Variants in CCDC85A observed in about 807,000 individuals in gnomAD.
CCDC85A encodes the protein coiled-coil domain containing 85A, also known as coiled-coil domain-containing protein 85A.
A neutral mutation model predicts 50.2 loss-of-function variants in CCDC85A; 38 were observed. That is an observed-to-expected ratio of 0.76 (90% confidence interval 0.58 to 0.99). CCDC85A has a LOEUF of 0.99. CCDC85A is among the 50% of genes least tolerant of loss of function. CCDC85A has a pLI of 0.00. For missense variants in CCDC85A, 820 were observed against 742.0 expected, an observed-to-expected ratio of 1.11 and a Z score of -1.22; for synonymous variants, 366 against 301.4, an observed-to-expected ratio of 1.21 and a Z score of -2.22.
chr2:56,289,652 A>G (rs1671614105), intron 2 of CCDC85A, among the ~76,000 whole-genome samples: 1 of 152,128 alleles, frequency 6.6e-6, no homozygotes, highest in South Asian at 2.1e-4. Flanking sequence ...AGATCTTGAA[A>G]AGATCTCAGT....
intron 2 of CCDC85A, among the ~76,000 whole-genome samples, chr2:56,277,575 T>C (rs1208532620): frequency 6.6e-6 from 1 of 152,228 alleles, no homozygotes; most frequent in East Asian, 1.9e-4. Flanking sequence ...TGCTATGTGA[T>C]AATTGCTTCA....
chr2:56,383,217 A>G (rs1330447769), intron 5 of CCDC85A, among the ~76,000 whole-genome samples: 1 of 151,996 alleles, frequency 6.6e-6, no homozygotes, highest in Non-Finnish European at 1.5e-5. Context: ...TCCCTGTAGT[A>G]TCCACTTCTA....
At chr2:56,252,514 G>A (rs527620753) in intron 2 of CCDC85A, among the ~76,000 whole-genome samples, 3 of 152,172 alleles carry the variant, frequency 2.0e-5, no homozygotes, top group Admixed American at 6.5e-5. Context: ...AAGGAGAATT[G>A]CACTATGATC....
intron 2 of CCDC85A, among the ~76,000 whole-genome samples, chr2:56,247,971 A>G (rs77247673): frequency 0.035 from 5,295 of 152,312 alleles, 124 homozygotes; most frequent in South Asian, 0.13. Flanking sequence ...GCTCCAGTGT[A>G]CAATGGGGAG....
At chr2:56,358,145 A>G (rs1675330238) in intron 3 of CCDC85A, among the ~76,000 whole-genome samples, 2 of 152,186 alleles carry the variant, frequency 1.3e-5, no homozygotes, top group South Asian at 4.1e-4. Flanking sequence ...AAATGACACT[A>G]TCACCACTAC....
intron 2 of CCDC85A, among the ~76,000 whole-genome samples, chr2:56,240,346 C>A (rs1448234137): frequency 6.6e-6 from 1 of 152,122 alleles, no homozygotes; most frequent in Non-Finnish European, 1.5e-5. Flanking sequence ...TAATGGGAAA[C>A]CTCTAGAGGG....
rs1209847529 is a variant in CCDC85A at position 56,184,390 on chromosome 2, A to C, written c.-235A>C. The C allele has an allele frequency of 2.0e-6, 1 of 498,402 alleles. No homozygotes were observed. The highest frequency in any genetic ancestry group is 3.0e-6 in the Non-Finnish European group (1 of 337,668). The allele number at this position is 498,402 out of a possible 1,614,324, so 30.9% of individuals were successfully genotyped here. A position where few individuals can be genotyped will look rare whatever the true frequency, so the allele number is the denominator to read the frequency against. On this transcript the variant is annotated 5_prime_UTR_variant, in exon 1 of 6. Transcript: ENST00000407595. ...GCGCGGAGTTGGGACGGGCCTCGGC[A>C]GCAGCAAGCGGCTGGCTGCCGGGCC...
chr2:56,222,093 C>A (rs1668351284), intron 2 of CCDC85A, among the ~76,000 whole-genome samples: 1 of 152,082 alleles, frequency 6.6e-6, no homozygotes, highest in African/African-American at 2.4e-5. Flanking sequence ...AGCCCCATCT[C>A]TTTACACTGT....
At chr2:56,357,216 T>G (rs142406634) in intron 3 of CCDC85A, among the ~76,000 whole-genome samples, 2 of 152,304 alleles carry the variant, frequency 1.3e-5, no homozygotes, top group African/African-American at 4.8e-5. Flanking sequence ...TGAGCTGTTG[T>G]CACTTGAAGA....
chr2:56,187,273 C>T (rs1024341040), intron 1 of CCDC85A, among the ~76,000 whole-genome samples: 4 of 152,228 alleles, frequency 2.6e-5, no homozygotes, highest in African/African-American at 7.2e-5. Flanking sequence ...GGAATTAAGA[C>T]CATAATACAT....
intron 2 of CCDC85A, among the ~76,000 whole-genome samples, chr2:56,340,833 G>A (rs572215885): frequency 1.8e-4 from 24 of 135,592 alleles, no homozygotes; most frequent in African/African-American, 3.9e-4. Context: ...CCGAGATCGC[G>A]CCACTGCACT....
Position 56,193,448 on chromosome 2 carries a change from A to T in CCDC85A, c.1240+8A>T. ...TCTACAGTGGCATGAACGGTGGGTCAGTATGTGCTGGGGTGCTGCTTGGGC... is the reference window on the plus strand; with the variant it reads ...TCTACAGTGGCATGAACGGTGGGTCTGTATGTGCTGGGGTGCTGCTTGGGC... On this transcript the variant is annotated splice_region_variant and intron_variant, in intron 2 of 5. Transcript: ENST00000407595. 1 of 1,591,938 alleles carries T rather than the reference A, an allele frequency of 6.3e-7. No homozygotes were observed. The highest frequency in any genetic ancestry group is 1.2e-5 in the South Asian group (1 of 86,430).
chr2:56,304,938 AAAAAC>A (rs1290756866), intron 2 of CCDC85A, among the ~76,000 whole-genome samples: 3 of 139,594 alleles, frequency 2.1e-5, no homozygotes, highest in African/African-American at 3.0e-5. Context: ...AAACAAACAA[AAAAAC>A]AAAAAAAAAA....
chr2:56,344,364 C>T (rs1202765655), intron 3 of CCDC85A, among the ~76,000 whole-genome samples: 1 of 152,122 alleles, frequency 6.6e-6, no homozygotes, highest in Non-Finnish European at 1.5e-5. Flanking sequence ...GAAGTGTAGA[C>T]AGCATGGATT....
chr2:56,292,235 A>G (rs1671746498), intron 2 of CCDC85A, among the ~76,000 whole-genome samples: 1 of 151,982 alleles, frequency 6.6e-6, no homozygotes, highest in South Asian at 2.1e-4. Flanking sequence ...GGCAACCACT[A>G]CCACACCTGG....
intron 4 of CCDC85A, among the ~76,000 whole-genome samples, chr2:56,374,515 A>T (rs905531719): frequency 6.6e-6 from 1 of 152,220 alleles, no homozygotes; most frequent in Non-Finnish European, 1.5e-5. Context: ...TGTACAGCAT[A>T]AAAATTCTCT....
chr2:56,340,545 G>T (rs184796106), intron 2 of CCDC85A, among the ~76,000 whole-genome samples: 8 of 152,110 alleles, frequency 5.3e-5, no homozygotes, highest in Non-Finnish European at 1.2e-4. Context: ...AGAAGAAGCC[G>T]AGGCAAGTTT....
At chr2:56,232,736 C>T (rs1668828301) in intron 2 of CCDC85A, among the ~76,000 whole-genome samples, 1 of 152,168 alleles carries the variant, frequency 6.6e-6, no homozygotes, top group South Asian at 2.1e-4. Flanking sequence ...CACATCCCCT[C>T]ACCACTCCAC....
chr2:56,267,115 G>A (rs1384505101), intron 2 of CCDC85A, among the ~76,000 whole-genome samples: 2 of 152,022 alleles, frequency 1.3e-5, no homozygotes, highest in Middle Eastern at 3.4e-3. Flanking sequence ...GGCTTGGTTT[G>A]TGATATTTCC....
Sources: allele counts gnomAD v4.1 joint callset (sites outside exome capture counted in the v4.1 genomes callset), GRCh38; gene constraint gnomAD v4.1.1; transcripts MANE v1.5; gene names NCBI Gene and HGNC (gene_info 2026-07-23, HGNC 2026-07-21).